SLCO2A1: variants seen among roughly 807,000 people sequenced by gnomAD.
SLCO2A1 encodes solute carrier organic anion transporter family member 2A1, also known as matrin F/G 1.
Under a neutral mutation model 71.7 loss-of-function variants are expected in SLCO2A1, and 60 were observed. The ratio of observed to expected loss-of-function variants is 0.84; its 90% CI spans 0.68 to 1.04. The LOEUF is 1.04. Ranked by LOEUF, SLCO2A1 falls within the 50% of genes least tolerant of loss-of-function variation. The pLI, the probability that SLCO2A1 is intolerant of heterozygous loss-of-function variation, is 0.00. For missense variants in SLCO2A1, 745 were observed against 813.4 expected (o/e 0.92, Z 1.02); for synonymous variants, 308 against 326.7 (o/e 0.94, Z 0.62).
chr3:133,998,070 T>C (rs760596319), intron 1 of SLCO2A1, among the ~76,000 whole-genome samples: 3 of 152,160 alleles, frequency 2.0e-5, no homozygotes, highest in Non-Finnish European at 2.9e-5. Context: ...TCCTGCTCTA[T>C]ACAGGCAGGC....
chr3:134,020,654 C>A (rs1440926870), intron 1 of SLCO2A1, among the ~76,000 whole-genome samples: 1 of 152,230 alleles, frequency 6.6e-6, no homozygotes, highest in African/African-American at 2.4e-5. Flanking sequence ...GGCCTGATCA[C>A]CCATGGCGTG....
At chr3:133,973,323 A>G (rs569584921) in intron 3 of SLCO2A1, among the ~76,000 whole-genome samples, 2 of 152,366 alleles carry the variant, frequency 1.3e-5, no homozygotes, top group South Asian at 4.1e-4. Context: ...ATGATTAAAC[A>G]TGGACAAAAT....
intron 1 of SLCO2A1, among the ~76,000 whole-genome samples, chr3:133,987,673 A>T (rs1934749378): frequency 6.6e-6 from 1 of 152,182 alleles, no homozygotes; most frequent in African/African-American, 2.4e-5. Context: ...ATGGTCACTC[A>T]TATTTGGCTC....
At chr3:134,021,987 A>C (rs930636882) in intron 1 of SLCO2A1, among the ~76,000 whole-genome samples, 8 of 149,274 alleles carry the variant, frequency 5.4e-5, no homozygotes. Context: ...TTGCTAACAA[A>C]AAAAAAAAAG....
intron 1 of SLCO2A1, among the ~76,000 whole-genome samples, chr3:134,007,287 T>C (rs924613986): frequency 2.6e-5 from 4 of 152,268 alleles, no homozygotes; most frequent in African/African-American, 7.2e-5. Flanking sequence ...ATTCTCTTGA[T>C]TGTGTCACTT....
chr3:133,979,475 G>A lies in SLCO2A1; in HGVS notation c.234+6C>T. On this transcript the variant is annotated splice_donor_region_variant and intron_variant, in intron 2 of 13. Coordinates refer to ENST00000310926, the MANE Select transcript of SLCO2A1 (RefSeq NM_005630.3). ...GGAGTCTGATGGACCAGAACCTCCT[G>A]CTCACCTCATTCAAGCTGGAAATGA... is the stretch of plus-strand genomic sequence containing the variant. The A allele has an allele frequency of 6.2e-7, 1 of 1,614,182 alleles. No individual in the cohort carries two copies. Among genetic ancestry groups the A allele is most frequent in the Non-Finnish European group, 8.5e-7 (1 of 1,180,020 alleles).
chr3:133,969,194 G>A (rs968422542), intron 3 of SLCO2A1, among the ~76,000 whole-genome samples: 6 of 152,188 alleles, frequency 3.9e-5, no homozygotes, highest in African/African-American at 1.4e-4. Flanking sequence ...CACTTTGGGA[G>A]GCCGAGGTGG....
At chr3:134,010,528 C>T (rs746896828) in intron 1 of SLCO2A1, among the ~76,000 whole-genome samples, 20 of 151,892 alleles carry the variant, frequency 1.3e-4, no homozygotes, top group African/African-American at 2.7e-4. Flanking sequence ...CCAAGGTGGG[C>T]GGATCACAAG....
chr3:133,938,321 G>A (rs574215566), intron 12 of SLCO2A1, 108 bp downstream of exon 12: 21 of 957,732 alleles, frequency 2.2e-5, no homozygotes, highest in South Asian at 9.4e-5. Flanking sequence ...GCTTCTCTTC[G>A]CCATGGAGAT....
At chr3:134,019,242 T>C (rs982974702) in intron 1 of SLCO2A1, among the ~76,000 whole-genome samples, 1 of 152,210 alleles carries the variant, frequency 6.6e-6, no homozygotes, top group African/African-American at 2.4e-5. Context: ...GTGAACAATT[T>C]CACAATGCCT....
At chr3:133,960,731 T>C (rs967564081) in intron 3 of SLCO2A1, among the ~76,000 whole-genome samples, 5 of 152,138 alleles carry the variant, frequency 3.3e-5, no homozygotes, top group Admixed American at 1.3e-4. Flanking sequence ...TTTGCCACAA[T>C]TTAAAAATAT....
chr3:134,018,190 G>A (rs939038045), intron 1 of SLCO2A1, among the ~76,000 whole-genome samples: 1 of 152,150 alleles, frequency 6.6e-6, no homozygotes, highest in Non-Finnish European at 1.5e-5. Flanking sequence ...AGATGCTTAG[G>A]AACAGAACAA....
intron 1 of SLCO2A1, among the ~76,000 whole-genome samples, chr3:134,008,288 G>C (rs1022161336): frequency 3.3e-5 from 5 of 152,256 alleles, no homozygotes; most frequent in African/African-American, 1.2e-4. Context: ...TCTGTCCACT[G>C]TCTATCTCAC....
chr3:133,972,575 C>T (rs936505453), intron 3 of SLCO2A1, among the ~76,000 whole-genome samples: 1 of 152,072 alleles, frequency 6.6e-6, no homozygotes, highest in Non-Finnish European at 1.5e-5. Context: ...TACTCAGATA[C>T]CTTATGGTAG....
At chr3:133,975,668 C>T (rs1934425389) in intron 2 of SLCO2A1, among the ~76,000 whole-genome samples, 1 of 152,206 alleles carries the variant, frequency 6.6e-6, no homozygotes, top group African/African-American at 2.4e-5. Context: ...CTCCATCCAG[C>T]CATACTGCCC....
chr3:134,000,833 G>A (rs1935090735), intron 1 of SLCO2A1, among the ~76,000 whole-genome samples: 1 of 152,192 alleles, frequency 6.6e-6, no homozygotes, highest in Non-Finnish European at 1.5e-5. Context: ...GTCTTATTAT[G>A]TCTGCTACCT....
intron 1 of SLCO2A1, among the ~76,000 whole-genome samples, chr3:134,024,899 C>T (rs371041748): frequency 6.6e-6 from 1 of 152,070 alleles, no homozygotes; most frequent in African/African-American, 2.4e-5. Flanking sequence ...ATCAGAGAGC[C>T]CAGTTGAACA....
chr3:133,950,901 C>T, intron 6 of SLCO2A1: 1 of 380,628 alleles, frequency 2.6e-6, no homozygotes, highest in Admixed American at 3.8e-5. Flanking sequence ...CAGACTTGGC[C>T]TTTATTGGCT....
chr3:133,968,692 T>C (rs961436641), intron 3 of SLCO2A1, among the ~76,000 whole-genome samples: 3 of 152,250 alleles, frequency 2.0e-5, no homozygotes, highest in Admixed American at 1.3e-4. Context: ...ATTCACAGGT[T>C]ACACCTAGTC....
Sources: gnomAD v4.1 joint callset for allele counts (sites outside exome capture counted in the v4.1 genomes callset) on GRCh38, gnomAD v4.1.1 for gene constraint, MANE v1.5 for transcripts, NCBI Gene and HGNC (gene_info 2026-07-23, HGNC 2026-07-21) for gene names.